The following FBXO31 variants were observed in gnomAD, a reference collection of about 807,000 sequenced individuals.
FBXO31 encodes the protein F-box protein 31, also known as F-box only protein 31.
FBXO31 carries 24 observed loss-of-function variants against 54.4 expected under a neutral mutation model. The observed-to-expected ratio is 0.44, with a 90% CI of 0.32 to 0.62. FBXO31 has a LOEUF of 0.62. Among genes scored for constraint, FBXO31 ranks in the 20% least tolerant of loss-of-function variants. FBXO31 has a pLI of 0.05. For missense variants in FBXO31, 665 were observed against 787.1 expected (o/e 0.84, Z 1.86); for synonymous variants, 388 against 335.6 (o/e 1.16, Z -1.71).
At chr16:87,371,923 T>C (rs192355339) in intron 1 of FBXO31, among the ~76,000 whole-genome samples, 15 of 151,516 alleles carry the variant, frequency 9.9e-5, no homozygotes, top group African/African-American at 3.2e-4. Context: ...TAAAAAAAAA[T>C]AGTCTTAAAA....
At chr16:87,351,881 A>AAT (rs1275796653) in intron 2 of FBXO31, among the ~76,000 whole-genome samples, 2 of 151,772 alleles carry the variant, frequency 1.3e-5, no homozygotes, top group African/African-American at 2.4e-5. Context: ...CAACAACAAA[A>AAT]ATATATATAT....
chr16:87,374,814 T>A (rs1021420505), intron 1 of FBXO31, among the ~76,000 whole-genome samples: 3 of 152,226 alleles, frequency 2.0e-5, no homozygotes, highest in African/African-American at 7.2e-5. Flanking sequence ...ATTATTTGAA[T>A]ATTTTTATTC....
chr16:87,332,809 T>C (rs191059107), intron 8 of FBXO31, among the ~76,000 whole-genome samples: 16 of 151,664 alleles, frequency 1.1e-4, no homozygotes, highest in Middle Eastern at 6.8e-3. Context: ...TACAGACACA[T>C]AGCAGCATAC....
chr16:87,352,519 C>G (rs112690968), intron 2 of FBXO31, among the ~76,000 whole-genome samples: 1 of 152,118 alleles, frequency 6.6e-6, no homozygotes, highest in Non-Finnish European at 1.5e-5. Context: ...GCCAGAAGTC[C>G]GCAAACTGGA....
intron 5 of FBXO31, among the ~76,000 whole-genome samples, chr16:87,339,862 C>T (rs1383504160): frequency 3.3e-5 from 5 of 152,232 alleles, no homozygotes; most frequent in African/African-American, 1.2e-4. Context: ...TAGGCCAGTG[C>T]AATGGCTCAC....
At position 87,360,347 on chromosome 16, in the gene FBXO31, G is replaced by C. The variant is rs867692259; in HGVS notation, c.360C>G (p.Asn120Lys). Residue 120 changes from asparagine (N) to lysine (K), a missense_variant, in exon 2 of 9, where the codon AAC becomes AAG. By Grantham distance (94) the Asn-to-Lys change is moderately conservative. This residue lies in a region of FBXO31 where 234 missense variants were observed against 346.8 expected (regional missense o/e 0.67). Transcript: ENST00000311635. ...RCREEYGVCE[N>K]LRKLEITGVS... is the part of the protein sequence containing the mutation. ...CGCCTGTGATCTCCAGCTTCCGCAA[G>C]TTTTCGCAAACACCATACTCTGTAA... is the stretch of plus-strand genomic sequence containing the variant. 6.2e-7 allele frequency: 1 copy of C among 1,614,160 alleles called. No homozygotes were observed. Among genetic ancestry groups the C allele is most frequent in the Non-Finnish European group, 8.5e-7 (1 of 1,180,034 alleles).
In FBXO31 at chr16:87,341,944, G is replaced by A. The variant is rs75317690; in HGVS notation, c.732+933C>T. ...AAGCACACCCTGGCCGCGCGCGATGGCTCACACCTGCAATCCCAGCACTTT... is the reference window on the plus strand; with the variant it reads ...AAGCACACCCTGGCCGCGCGCGATGACTCACACCTGCAATCCCAGCACTTT... On this transcript the variant is annotated intron_variant, in intron 5 of 8. Transcript: ENST00000311635. 3.0e-3 allele frequency among the ~76,000 whole-genome samples: 459 copies of A among 152,180 alleles called. 5 individuals are homozygous for A. Among genetic ancestry groups the A allele is most frequent in the East Asian group, 0.015 (78 of 5,148 alleles).
upstream of FBXO31, chr16:87,386,256 A>G (rs1907324989): frequency 6.6e-6 from 1 of 152,162 alleles, no homozygotes; most frequent in Non-Finnish European, 1.5e-5. Context: ...GAGATAAAAT[A>G]TAGGTTGGAG....
At chr16:87,359,607 T>C (rs1906045370) in intron 2 of FBXO31, among the ~76,000 whole-genome samples, 1 of 151,934 alleles carries the variant, frequency 6.6e-6, no homozygotes, top group Non-Finnish European at 1.5e-5. Flanking sequence ...GAAAAGAAGC[T>C]CAAAGAATGG....
At position 87,345,540 on chromosome 16, in the gene FBXO31, A is replaced by G. The variant is rs1332715135; in HGVS notation, c.489+1634T>C. On this transcript the variant is annotated intron_variant, in intron 3 of 8. Coordinates refer to ENST00000311635, the MANE Select transcript of FBXO31 (RefSeq NM_024735.5). This position sits in a 1 kb window ranked among gnomAD's most constrained non-coding sequence, Gnocchi z 4.9. ...CAACATAAATTGGCAGGTGACCGAG[A>G]AACACAGAAACTAAAACTACAAGCA... Among the ~76,000 whole-genome samples the G allele has an allele frequency of 6.6e-6, 1 of 152,174 alleles. No homozygotes were observed. Among genetic ancestry groups the G allele is most frequent in the African/African-American group, 2.4e-5 (1 of 41,436 alleles).
intron 1 of FBXO31, among the ~76,000 whole-genome samples, chr16:87,364,176 C>A (rs1024889029): frequency 6.6e-6 from 1 of 152,224 alleles, no homozygotes; most frequent in Non-Finnish European, 1.5e-5. Flanking sequence ...CAGGAAGGGG[C>A]TGCAGACAAA....
chr16:87,391,642 G>A (rs1047683887), upstream of FBXO31: 7 of 152,406 alleles, frequency 4.6e-5, no homozygotes, highest in East Asian at 7.7e-4. Context: ...ACTGGGAGAG[G>A]GGACTGCGCC....
chr16:87,374,048 C>G (rs764204584), intron 1 of FBXO31, among the ~76,000 whole-genome samples: 1 of 151,870 alleles, frequency 6.6e-6, no homozygotes, highest in Non-Finnish European at 1.5e-5. Context: ...CAGACCAGCC[C>G]GGGCAACACT....
chr16:87,381,718 T>A (rs2150700040), intron 1 of FBXO31, among the ~76,000 whole-genome samples: 1 of 152,024 alleles, frequency 6.6e-6, no homozygotes. Flanking sequence ...AAATCCACAA[T>A]CCCACTTGAG....
At chr16:87,343,510 G>A (rs765706470) in intron 4 of FBXO31, 88 bp downstream of exon 4, 78 of 1,471,674 alleles carry the variant, frequency 5.3e-5, no homozygotes, top group Non-Finnish European at 7.1e-5. Flanking sequence ...GCCCAGGTCT[G>A]CAGCTGAGAA....
At chr16:87,352,799 G>A (rs942474564) in intron 2 of FBXO31, among the ~76,000 whole-genome samples, 4 of 152,158 alleles carry the variant, frequency 2.6e-5, no homozygotes, top group Admixed American at 6.5e-5. Flanking sequence ...AAATGCTCCC[G>A]AAATGAATTC....
chr16:87,377,451 A>G (rs1257954116), intron 1 of FBXO31, among the ~76,000 whole-genome samples: 1 of 152,246 alleles, frequency 6.6e-6, no homozygotes, highest in East Asian at 1.9e-4. Flanking sequence ...CCCTGTCTCA[A>G]AAAAGTTGGA....
intron 2 of FBXO31, among the ~76,000 whole-genome samples, chr16:87,356,322 G>A (rs1328294868): frequency 5.3e-5 from 8 of 151,952 alleles, no homozygotes; most frequent in Admixed American, 3.3e-4. Context: ...TCACTAAGTC[G>A]ACTGTTCCCT....
At chr16:87,340,548 A>G (rs1051127333) in intron 5 of FBXO31, among the ~76,000 whole-genome samples, 2 of 152,266 alleles carry the variant, frequency 1.3e-5, no homozygotes, top group Non-Finnish European at 2.9e-5. Context: ...CACAGACACA[A>G]GAGAAAAATA....
Sources: allele counts gnomAD v4.1 joint callset (sites outside exome capture counted in the v4.1 genomes callset), GRCh38; gene constraint gnomAD v4.1.1; regional missense constraint gnomAD v4.1.1; non-coding constraint Gnocchi (gnomAD v3.1); transcripts MANE v1.5; gene names NCBI Gene and HGNC (gene_info 2026-07-23, HGNC 2026-07-21).